IMMP2L: variants seen among roughly 807,000 people sequenced by gnomAD.
The protein encoded by IMMP2L is inner mitochondrial membrane peptidase subunit 2, also known as mitochondrial inner membrane protease subunit 2.
A neutral mutation model predicts 19.3 loss-of-function variants in IMMP2L; 18 were observed. The ratio of observed to expected loss-of-function variants is 0.93; its 90% CI spans 0.64 to 1.38. IMMP2L has a LOEUF of 1.38. Among genes scored for constraint, IMMP2L ranks in the 40% most tolerant of loss-of-function variants. The pLI, the probability that IMMP2L is intolerant of heterozygous loss-of-function variation, is 0.00. For synonymous variants in IMMP2L, 76 were observed against 73.0 expected (o/e 1.04, Z -0.21); for missense variants, 233 against 218.2 (o/e 1.07, Z -0.43).
In IMMP2L at chr7:110,997,065, C is replaced by G. The variant is rs541652878; in HGVS notation, c.240-33500G>C. Among the ~76,000 whole-genome samples the G allele has an allele frequency of 5.3e-5, 8 of 152,134 alleles. No homozygotes were observed. In the South Asian group the frequency reaches 1.5e-3, roughly 28 times the overall value. ...CTTTAATAGCCACACCCACCTCCTT[C>G]CCTCTCCCCCACCTCTATTAACCTT... On this transcript the variant is annotated intron_variant, in intron 3 of 5. Coordinates refer to ENST00000405709, the MANE Select transcript of IMMP2L (RefSeq NM_032549.4).
chr7:111,325,936 A>G (rs1825274378), intron 3 of IMMP2L, among the ~76,000 whole-genome samples: 1 of 151,730 alleles, frequency 6.6e-6, no homozygotes, highest in African/African-American at 2.4e-5. Context: ...TTTTAATTTA[A>G]ATTATAATGT....
intron 3 of IMMP2L, among the ~76,000 whole-genome samples, chr7:111,453,109 T>C (rs1463730699): frequency 6.6e-6 from 1 of 152,178 alleles, no homozygotes; most frequent in African/African-American, 2.4e-5. Context: ...CTAATCTTCG[T>C]GTCATTATCA....
At chr7:110,809,063 T>C (rs771634686) in intron 5 of IMMP2L, among the ~76,000 whole-genome samples, 6 of 151,994 alleles carry the variant, frequency 3.9e-5, no homozygotes, top group African/African-American at 1.4e-4. Flanking sequence ...CTTTCCCAAA[T>C]AAAAATGCAC....
intron 3 of IMMP2L, among the ~76,000 whole-genome samples, chr7:111,486,755 C>A (rs931336100): frequency 2.6e-5 from 4 of 152,116 alleles, no homozygotes; most frequent in Admixed American, 6.5e-5. Context: ...AACAGTGCCA[C>A]CTTTTGGACC....
chr7:111,279,839 A>G (rs930068640), intron 3 of IMMP2L, among the ~76,000 whole-genome samples: 3 of 152,058 alleles, frequency 2.0e-5, no homozygotes, highest in African/African-American at 7.2e-5. Flanking sequence ...GCATATAGAG[A>G]ACAAACATTT....
intron 5 of IMMP2L, among the ~76,000 whole-genome samples, chr7:110,705,807 C>A (rs371946758): frequency 2.0e-5 from 3 of 151,996 alleles, no homozygotes; most frequent in African/African-American, 7.3e-5. Flanking sequence ...TAAGTGAGAA[C>A]AGGCGATATT....
chr7:110,705,457 T>C (rs1794594952), intron 5 of IMMP2L, among the ~76,000 whole-genome samples: 1 of 152,136 alleles, frequency 6.6e-6, no homozygotes, highest in South Asian at 2.1e-4. Context: ...AGGTAATGAA[T>C]TTTGCCAACA....
rs557581331 is a variant in IMMP2L at position 111,409,263 on chromosome 7, C to T, written c.239+77975G>A. Among the ~76,000 whole-genome samples, 17 of 151,582 alleles carry T rather than the reference C, an allele frequency of 1.1e-4. No homozygotes were observed. In the South Asian group the frequency reaches 2.3e-3, roughly 20 times the overall value. ...TACCCTTAATTCTCTTAAAATTTAA[C>T]GTCCACCTAGAAAGCAATGCATCAG... On this transcript the variant is annotated intron_variant, in intron 3 of 5. Coordinates refer to ENST00000405709, the MANE Select transcript of IMMP2L (RefSeq NM_032549.4).
intron 3 of IMMP2L, among the ~76,000 whole-genome samples, chr7:111,341,619 T>C (rs1827017323): frequency 6.6e-6 from 1 of 152,158 alleles, no homozygotes; most frequent in African/African-American, 2.4e-5. Context: ...TAATTAGCCT[T>C]GATAACATAT....
At chr7:111,387,580 A>C (rs900184726) in intron 3 of IMMP2L, among the ~76,000 whole-genome samples, 1 of 152,146 alleles carries the variant, frequency 6.6e-6, no homozygotes, top group Admixed American at 6.6e-5. Flanking sequence ...TTAACATCAA[A>C]AATGGCTAGC....
chr7:111,233,469 AT>A (rs1180575388), intron 3 of IMMP2L, among the ~76,000 whole-genome samples: 138 of 152,218 alleles, frequency 9.1e-4, no homozygotes, highest in African/African-American at 3.1e-3. Flanking sequence ...CAAACTGACT[AT>A]ATAATAATTT....
At chr7:111,535,725 A>C (rs757880869) in intron 1 of IMMP2L, among the ~76,000 whole-genome samples, 19 of 152,180 alleles carry the variant, frequency 1.2e-4, no homozygotes, top group Non-Finnish European at 2.2e-4. Flanking sequence ...GAAACTACTT[A>C]AGATACATTG....
At chr7:110,902,394 T>G (rs1030586889) in intron 4 of IMMP2L, among the ~76,000 whole-genome samples, 1 of 110,552 alleles carries the variant, frequency 9.0e-6, no homozygotes, top group African/African-American at 3.9e-5. Context: ...CCATACTCCT[T>G]TAAAAAAAAA....
At chr7:110,905,696 C>T (rs1432675458) in intron 4 of IMMP2L, among the ~76,000 whole-genome samples, 1 of 152,140 alleles carries the variant, frequency 6.6e-6, no homozygotes, top group East Asian at 1.9e-4. Flanking sequence ...TGTACTTTGG[C>T]TGGACTGTAA....
At chr7:110,832,120 G>A (rs543260001) in intron 5 of IMMP2L, among the ~76,000 whole-genome samples, 13 of 152,230 alleles carry the variant, frequency 8.5e-5, no homozygotes, top group Admixed American at 7.8e-4. Flanking sequence ...AAATTAGCTG[G>A]GTGTGGTGGC....
rs1481017761 is a variant in IMMP2L at position 110,877,879 on chromosome 7, T to C, written c.408+8714A>G. Among the ~76,000 whole-genome samples, 1 of 152,122 alleles carries C rather than the reference T, an allele frequency of 6.6e-6. No individual in the cohort carries two copies. The highest frequency in any genetic ancestry group is 2.1e-4 in the South Asian group (1 of 4,836). ...TAACACCATTAAGGACCCAGACATA[T>C]GTTTTTCCATATATTTTATACTCTA... On this transcript the variant is annotated intron_variant, in intron 5 of 5. Transcript: ENST00000405709. The surrounding 1 kb of genome is among the most constrained non-coding windows in gnomAD (Gnocchi z 4.0).
intron 3 of IMMP2L, among the ~76,000 whole-genome samples, chr7:111,197,164 A>C (rs948281135): frequency 1.3e-5 from 2 of 152,162 alleles, no homozygotes; most frequent in Non-Finnish European, 2.9e-5. Context: ...AATTCCTTTA[A>C]AAATGAACAA....
At chr7:111,204,883 A>G (rs1027907830) in intron 3 of IMMP2L, among the ~76,000 whole-genome samples, 2 of 152,234 alleles carry the variant, frequency 1.3e-5, no homozygotes, top group African/African-American at 4.8e-5. Flanking sequence ...AAAGTGTGAC[A>G]ATATAGTAAT....
chr7:110,887,196 C>T (rs563873941), intron 4 of IMMP2L, among the ~76,000 whole-genome samples: 10 of 152,092 alleles, frequency 6.6e-5, no homozygotes, highest in African/African-American at 1.9e-4. Context: ...AAGGAAAGAA[C>T]ATAATCTGAA....
Sources: gnomAD v4.1 joint callset for allele counts (sites outside exome capture counted in the v4.1 genomes callset) on GRCh38, gnomAD v4.1.1 for gene constraint, Gnocchi (gnomAD v3.1) non-coding constraint, MANE v1.5 for transcripts, NCBI Gene and HGNC (gene_info 2026-07-23, HGNC 2026-07-21) for gene names.